Variants in HDAC1 observed in about 807,000 individuals in gnomAD.
HDAC1 encodes histone deacetylase 1.
A neutral mutation model predicts 65.5 loss-of-function variants in HDAC1; 18 were observed. The ratio of observed to expected loss-of-function variants is 0.27; its 90% CI spans 0.19 to 0.41. HDAC1 has a LOEUF of 0.41. Ranked by LOEUF, HDAC1 falls within the 10% of genes least tolerant of loss-of-function variation. The probability of loss-of-function intolerance (pLI) is 1.00; values close to 1 mark genes in which losing one functional copy is unlikely to be tolerated. For missense variants in HDAC1, 373 were observed against 625.2 expected, an observed-to-expected ratio of 0.60 and a Z score of 4.30; for synonymous variants, 211 against 227.9, an observed-to-expected ratio of 0.93 and a Z score of 0.67.
chr1:32,317,512 C>T (rs1641080419), intron 3 of HDAC1, among the ~76,000 whole-genome samples: 1 of 152,144 alleles, frequency 6.6e-6, no homozygotes, highest in Admixed American at 6.6e-5. Flanking sequence ...CTTATGACAG[C>T]TTATATGGAA....
intron 2 of HDAC1, among the ~76,000 whole-genome samples, chr1:32,315,731 C>T (rs1027316984): frequency 1.0e-4 from 15 of 150,478 alleles, no homozygotes; most frequent in African/African-American, 3.7e-4. Context: ...TTTGGGAGGC[C>T]GAGGAGGGCG....
intron 2 of HDAC1, among the ~76,000 whole-genome samples, chr1:32,313,737 T>C (rs1227075595): frequency 6.6e-6 from 1 of 152,182 alleles, no homozygotes; most frequent in East Asian, 1.9e-4. Context: ...TCTCCCCATG[T>C]CTGTGTAGGT....
rs756451718 is a variant in HDAC1, at chr1:32,331,425, G to T, written c.980-49G>T. The T allele has an allele frequency of 4.0e-5, 42 of 1,048,372 alleles. 1 individual carries two copies. In the South Asian group the frequency reaches 5.0e-4, roughly 13 times the overall value. The allele number at this position is 1,048,372 out of a possible 1,614,324, so 64.9% of individuals were successfully genotyped here. A position where few individuals can be genotyped will look rare whatever the true frequency, so the allele number is the denominator to read the frequency against. On this transcript the variant is annotated intron_variant, in intron 9 of 13. Transcript: ENST00000373548. This position sits in a 1 kb window ranked among gnomAD's most constrained non-coding sequence, Gnocchi z 4.2. Reference sequence around the variant, plus strand: ...TAGGGTGCTTACGTGCAAATGGTTAGGGTGCGGTGGCCAGGTCTCTTGACG... The same window carrying T: ...TAGGGTGCTTACGTGCAAATGGTTATGGTGCGGTGGCCAGGTCTCTTGACG...
intron 3 of HDAC1, 72 bp downstream of exon 3, chr1:32,316,854 C>A (rs1303557232): frequency 6.4e-6 from 6 of 933,980 alleles, no homozygotes; most frequent in Non-Finnish European, 1.1e-5. Flanking sequence ...GAGGCCCATT[C>A]TGCCGTCCTC....
chr1:32,327,490 C>T lies in HDAC1; in HGVS notation c.495-46C>T, dbSNP rs1177302708. On this transcript the variant is annotated intron_variant, in intron 5 of 13. Coordinates refer to ENST00000373548, the MANE Select transcript of HDAC1 (RefSeq NM_004964.3). This position sits in a 1 kb window ranked among gnomAD's most constrained non-coding sequence, Gnocchi z 6.0. Reference sequence around the variant, plus strand: ...TGGGAGCTAGCGCCCTTGGCACGTCCCATCCCCAAAGAGCCCCCAGACCCC... The same window carrying T: ...TGGGAGCTAGCGCCCTTGGCACGTCTCATCCCCAAAGAGCCCCCAGACCCC... The T allele has an allele frequency of 2.0e-6, 3 of 1,473,188 alleles. No individual in the cohort carries two copies. The highest frequency in any genetic ancestry group is 2.3e-5 in the South Asian group (2 of 87,564). The allele number at this position is 1,473,188 out of a possible 1,614,324, so 91.3% of individuals were successfully genotyped here. A position where few individuals can be genotyped will look rare whatever the true frequency, so the allele number is the denominator to read the frequency against.
intron 6 of HDAC1, among the ~76,000 whole-genome samples, chr1:32,328,363 G>A (rs148716713): frequency 6.6e-6 from 1 of 151,696 alleles, no homozygotes; most frequent in Middle Eastern, 3.2e-3. Flanking sequence ...CCAGCCTGGA[G>A]TGCAGTGGCG....
intron 1 of HDAC1, among the ~76,000 whole-genome samples, chr1:32,302,391 G>T (rs1353950081): frequency 6.6e-6 from 1 of 151,622 alleles, no homozygotes; most frequent in African/African-American, 2.4e-5. Context: ...GTGCCTGTGG[G>T]TTCCAGAAGA....
intron 1 of HDAC1, among the ~76,000 whole-genome samples, chr1:32,299,758 T>C (rs933005117): frequency 1.3e-5 from 2 of 152,104 alleles, no homozygotes; most frequent in Non-Finnish European, 2.9e-5. Flanking sequence ...AGTAGGTACC[T>C]GAGAAGCCCA....
intron 1 of HDAC1, among the ~76,000 whole-genome samples, chr1:32,301,403 G>A (rs1368050742): frequency 2.0e-5 from 3 of 148,774 alleles, no homozygotes; most frequent in East Asian, 2.0e-4. Flanking sequence ...CTGAGATCGC[G>A]CCACTGCACT....
At position 32,330,351 on chromosome 1, in the gene HDAC1, G is replaced by A; in HGVS notation, c.730-227G>A. 2.0e-6 allele frequency: 1 copy of A among 512,340 alleles called. No homozygotes were observed. The highest frequency in any genetic ancestry group is 2.1e-5 in the South Asian group (1 of 47,372). The allele number at this position is 512,340 out of a possible 1,614,324, so 31.7% of individuals were successfully genotyped here. A position where few individuals can be genotyped will look rare whatever the true frequency, so the allele number is the denominator to read the frequency against. On this transcript the variant is annotated intron_variant, in intron 7 of 13. Transcript: ENST00000373548. The surrounding 1 kb of genome is among the most constrained non-coding windows in gnomAD (Gnocchi z 4.2). ...TGAGAGGGAGGCCATTCTAGGTTCA[G>A]TGTTACTAGAGTGTTAGAAGGGTCT...
chr1:32,301,757 G>C (rs537472047), intron 1 of HDAC1, among the ~76,000 whole-genome samples: 1 of 152,064 alleles, frequency 6.6e-6, no homozygotes. Context: ...GCAACAGATC[G>C]AGACTTGTCT....
intron 1 of HDAC1, among the ~76,000 whole-genome samples, chr1:32,297,876 A>T (rs1369224048): frequency 2.2e-5 from 2 of 92,526 alleles, no homozygotes; most frequent in Non-Finnish European, 4.0e-5. Flanking sequence ...TGCAACCTCC[A>T]CCTCCCAGGT....
intron 2 of HDAC1, among the ~76,000 whole-genome samples, chr1:32,304,234 C>T (rs1197276433): frequency 2.0e-5 from 3 of 152,244 alleles, no homozygotes; most frequent in African/African-American, 7.2e-5. Context: ...GATGAGTGTT[C>T]TTTCCTAGAT....
At chr1:32,309,842 GTGCC>G (rs1031974256) in intron 2 of HDAC1, among the ~76,000 whole-genome samples, 1 of 152,092 alleles carries the variant, frequency 6.6e-6, no homozygotes, top group Non-Finnish European at 1.5e-5. Context: ...CTACAAGTGT[GTGCC>G]TGGGTTGACT....
Position 32,330,813 on chromosome 1 carries a change from T to G in HDAC1, c.884T>G (p.Met295Arg). ...TTTGTCAAGAGCTTTAACCTGCCTA[T>G]GCTGATGCTGGGAGGCGGTGGTTAC... Reference protein sequence around the residue: ...VEFVKSFNLPMLMLGGGGYTI... With the variant: ...VEFVKSFNLPRLMLGGGGYTI... Residue 295 changes from methionine to arginine, a missense_variant, in exon 9 of 14, where the codon ATG becomes AGG. This residue lies in a region of HDAC1 where 105 missense variants were observed against 192.6 expected (regional missense o/e 0.55). Transcript: ENST00000373548. The surrounding 1 kb of genome is among the most constrained non-coding windows in gnomAD (Gnocchi z 4.2). 1 of 1,614,172 alleles carries G rather than the reference T, an allele frequency of 6.2e-7. No individual in the cohort carries two copies. Among genetic ancestry groups the G allele is most frequent in the Non-Finnish European group, 8.5e-7 (1 of 1,180,020 alleles).
rs1466473595 is a variant in HDAC1, at chr1:32,326,945, C to T, written c.362C>T (p.Ala121Val). ...QLSTGGSVAS[A>V]VKLNKQQTDI... ...TCTCTTTTCTCATGCCCAGCAAGTG[C>T]TGTGAAACTTAATAAGCAGCAGACG... The change falls in exon 5 of 14, where the codon GCT becomes GTT. Residue 121 changes from alanine (A) to valine (V), a missense_variant. Physicochemically the swap from Ala to Val is moderately conservative, Grantham distance 64. Transcript: ENST00000373548. 6.2e-7 allele frequency: 1 copy of T among 1,613,924 alleles called. No individual in the cohort carries two copies.
intron 1 of HDAC1, among the ~76,000 whole-genome samples, chr1:32,298,772 C>T (rs1325656056): frequency 2.6e-5 from 4 of 151,884 alleles, no homozygotes; most frequent in Admixed American, 1.3e-4. Flanking sequence ...CCGAGGTGGG[C>T]GGATCACTTG....
At chr1:32,316,441 A>T (rs1024641546) in intron 2 of HDAC1, among the ~76,000 whole-genome samples, 5 of 152,262 alleles carry the variant, frequency 3.3e-5, no homozygotes, top group Non-Finnish European at 5.9e-5. Context: ...CCTAAGCAAC[A>T]GAGCTTGAGC....
chr1:32,329,419 G>A lies in HDAC1; in HGVS notation c.729+259G>A. On this transcript the variant is annotated intron_variant, in intron 7 of 13. Coordinates refer to ENST00000373548, the MANE Select transcript of HDAC1 (RefSeq NM_004964.3). This position sits in a 1 kb window ranked among gnomAD's most constrained non-coding sequence, Gnocchi z 4.1. ...TCTTTGCCCTCACGGACTATGGTGG[G>A]GAAGGCAGGCACATACCCAGTAGTC... 1.7e-6 allele frequency: 1 copy of A among 574,586 alleles called. No individual in the cohort carries two copies. The highest frequency in any genetic ancestry group is 2.1e-5 in the South Asian group (1 of 48,778). The allele number at this position is 574,586 out of a possible 1,614,324, so 35.6% of individuals were successfully genotyped here.
Sources: gnomAD v4.1 joint callset for allele counts (sites outside exome capture counted in the v4.1 genomes callset) on GRCh38, gnomAD v4.1.1 for gene constraint, gnomAD v4.1.1 regional missense constraint, Gnocchi (gnomAD v3.1) non-coding constraint, MANE v1.5 for transcripts, NCBI Gene and HGNC (gene_info 2026-07-23, HGNC 2026-07-21) for gene names.